CORIN: variants seen among roughly 807,000 people sequenced by gnomAD.
The protein encoded by CORIN is corin, serine peptidase.
CORIN carries 117 observed loss-of-function variants against 125.3 expected under a neutral mutation model. That is an observed-to-expected ratio of 0.93 (90% confidence interval 0.80 to 1.09). The LOEUF (loss-of-function observed/expected upper bound fraction) is 1.09. Ranked by LOEUF, CORIN falls within the 50% of genes least tolerant of loss-of-function variation. The pLI, the probability that CORIN is intolerant of heterozygous loss-of-function variation, is 0.00. For synonymous variants in CORIN, 450 were observed against 466.4 expected (o/e 0.96, Z 0.45); for missense variants, 1,253 against 1,306.7 (o/e 0.96, Z 0.63).
intron 13 of CORIN, among the ~76,000 whole-genome samples, chr4:47,649,309 C>G (rs985076172): frequency 6.6e-6 from 1 of 152,186 alleles, no homozygotes; most frequent in Non-Finnish European, 1.5e-5. Context: ...AGACACCATC[C>G]ATCTACCTGA....
At position 47,774,419 on chromosome 4, in the gene CORIN, A is replaced by AT. The variant is rs550767118; in HGVS notation, c.410-10834dup. ...TTTCTGGGTAGGGGAATTTGGTATG[A>AT]TTTTTTCCTTCTTGCTTTATGCTTC... is the stretch of plus-strand genomic sequence containing the variant. On this transcript the variant is annotated intron_variant, in intron 3 of 21. Coordinates refer to ENST00000273857, the MANE Select transcript of CORIN (RefSeq NM_006587.4). Among the ~76,000 whole-genome samples, 52 of 152,152 alleles carry AT rather than the reference A, an allele frequency of 3.4e-4. No individual in the cohort carries two copies. The East Asian group carries it at 6.0e-3, about 18-fold the overall frequency.
chr4:47,739,891 C>T (rs151124050), intron 5 of CORIN, among the ~76,000 whole-genome samples: 119 of 151,698 alleles, frequency 7.8e-4, no homozygotes, highest in African/African-American at 2.6e-3. Flanking sequence ...TAACTTAAGA[C>T]GTTAATTTTA....
chr4:47,698,407 G>A (rs934752992), intron 5 of CORIN, among the ~76,000 whole-genome samples: 1 of 151,732 alleles, frequency 6.6e-6, no homozygotes, highest in African/African-American at 2.4e-5. Flanking sequence ...AGTTCCTCCG[G>A]CAAGAGTCTG....
chr4:47,753,218 C>T (rs1728985715), intron 4 of CORIN, among the ~76,000 whole-genome samples: 1 of 151,948 alleles, frequency 6.6e-6, no homozygotes, highest in African/African-American at 2.4e-5. Context: ...GGTGTACGAA[C>T]AAGGAATAGG....
chr4:47,723,270 A>G (rs1727437665), intron 5 of CORIN, among the ~76,000 whole-genome samples: 1 of 152,198 alleles, frequency 6.6e-6, no homozygotes, highest in Non-Finnish European at 1.5e-5. Flanking sequence ...TGGAAGTCAG[A>G]GAGTTTCAGG....
intron 4 of CORIN, among the ~76,000 whole-genome samples, chr4:47,763,109 G>A (rs1486594197): frequency 6.6e-6 from 1 of 152,084 alleles, no homozygotes; most frequent in Non-Finnish European, 1.5e-5. Context: ...CTTTGAGTGT[G>A]TTGTCTGTCT....
chr4:47,610,613 A>G (rs7673729), intron 19 of CORIN, among the ~76,000 whole-genome samples: 40,960 of 152,004 alleles, frequency 0.27, 5,662 homozygotes, highest in Admixed American at 0.35. Context: ...CCATTTGTCA[A>G]CTTTTCCTTT....
intron 4 of CORIN, among the ~76,000 whole-genome samples, chr4:47,761,891 G>A (rs1272856388): frequency 6.6e-6 from 1 of 152,124 alleles, no homozygotes; most frequent in Non-Finnish European, 1.5e-5. Context: ...AGCTAGCTGA[G>A]GGGCTGAAGC....
chr4:47,810,399 G>T (rs1018960202), intron 1 of CORIN, among the ~76,000 whole-genome samples: 2 of 152,058 alleles, frequency 1.3e-5, no homozygotes, highest in East Asian at 3.9e-4. Flanking sequence ...TGCTCTGGCT[G>T]ATCTCAAACT....
At chr4:47,837,608 G>C in intron 1 of CORIN, 1 of 555,154 alleles carries the variant, frequency 1.8e-6, no homozygotes, top group Non-Finnish European at 3.2e-6. Context: ...TCTCCGGATC[G>C]AGCCGACTCG....
At chr4:47,725,405 G>A (rs1727542164) in intron 5 of CORIN, among the ~76,000 whole-genome samples, 1 of 152,098 alleles carries the variant, frequency 6.6e-6, no homozygotes, top group Non-Finnish European at 1.5e-5. Flanking sequence ...AAACAATGTG[G>A]TTTGGTTAAG....
intron 1 of CORIN, among the ~76,000 whole-genome samples, chr4:47,815,923 T>G (rs768840119): frequency 5.9e-5 from 9 of 152,162 alleles, no homozygotes; most frequent in Non-Finnish European, 1.3e-4. Flanking sequence ...CATTTAGCGC[T>G]AAGGAGGCTC....
At chr4:47,634,914 C>T (rs1722965516) in intron 16 of CORIN, among the ~76,000 whole-genome samples, 1 of 152,162 alleles carries the variant, frequency 6.6e-6, no homozygotes, top group South Asian at 2.1e-4. Flanking sequence ...TGCAGAGAAG[C>T]AACACAATAT....
intron 2 of CORIN, among the ~76,000 whole-genome samples, chr4:47,787,792 T>C (rs1303174407): frequency 6.6e-6 from 1 of 152,230 alleles, no homozygotes; most frequent in Non-Finnish European, 1.5e-5. Flanking sequence ...CAACTCTCTT[T>C]CCACACTTTC....
intron 3 of CORIN, among the ~76,000 whole-genome samples, chr4:47,776,386 A>C (rs1730302105): frequency 6.6e-6 from 1 of 152,044 alleles, no homozygotes; most frequent in Non-Finnish European, 1.5e-5. Context: ...CCCAGGCTCA[A>C]GTTGCTGCGT....
chr4:47,714,271 A>G (rs980931989), intron 5 of CORIN, among the ~76,000 whole-genome samples: 1 of 152,322 alleles, frequency 6.6e-6, no homozygotes, highest in Middle Eastern at 3.4e-3. Context: ...GGACATTTCT[A>G]TGTATGTCTA....
At chr4:47,673,940 C>T (rs970777607) in intron 10 of CORIN, among the ~76,000 whole-genome samples, 18 of 152,082 alleles carry the variant, frequency 1.2e-4, no homozygotes, top group African/African-American at 4.3e-4. Flanking sequence ...CACTGCACTC[C>T]AGCCTCGGTG....
intron 5 of CORIN, among the ~76,000 whole-genome samples, chr4:47,711,630 C>T (rs34835233): frequency 0.099 from 15,115 of 152,240 alleles, 890 homozygotes; most frequent in East Asian, 0.27. Flanking sequence ...AAAAGCTCAC[C>T]TTGGATCTCT....
intron 3 of CORIN, among the ~76,000 whole-genome samples, chr4:47,785,399 G>A (rs1048583359): frequency 2.6e-5 from 4 of 152,010 alleles, no homozygotes; most frequent in Admixed American, 2.0e-4. Context: ...AACTCACCAC[G>A]CCCCATGTCC....
Sources: allele counts gnomAD v4.1 joint callset (sites outside exome capture counted in the v4.1 genomes callset), GRCh38; gene constraint gnomAD v4.1.1; transcripts MANE v1.5; gene names NCBI Gene and HGNC (gene_info 2026-07-23, HGNC 2026-07-21).